The following HACD2 variants were observed in gnomAD, a reference collection of about 807,000 sequenced individuals.
The protein encoded by HACD2 is 3-hydroxyacyl-CoA dehydratase 2, also known as very-long-chain (3R)-3-hydroxyacyl-CoA dehydratase 2.
Under a neutral mutation model 31.0 loss-of-function variants are expected in HACD2, and 15 were observed. The observed-to-expected ratio is 0.48, with a 90% confidence interval of 0.32 to 0.75. The LOEUF (loss-of-function observed/expected upper bound fraction) is 0.75, where lower values mean the gene tolerates loss of function less well. Among genes scored for constraint, HACD2 ranks in the 30% least tolerant of loss-of-function variants. HACD2 has a pLI of 0.03. For missense variants in HACD2, 283 were observed against 313.0 expected (o/e 0.90, Z 0.72); for synonymous variants, 115 against 122.2 (o/e 0.94, Z 0.39).
intron 3 of HACD2, among the ~76,000 whole-genome samples, chr3:123,532,833 CAAAAAAAAAAAAAAA>C (rs35001570): frequency 1.4e-5 from 1 of 71,388 alleles, no homozygotes; most frequent in South Asian, 7.3e-4. Context: ...GACTCCGTCT[CAAAAAAAAAAAAAAA>C]AAAAAAAAAA....
intron 2 of HACD2, among the ~76,000 whole-genome samples, chr3:123,573,511 T>C (rs2056876639): frequency 6.6e-6 from 1 of 152,112 alleles, no homozygotes; most frequent in South Asian, 2.1e-4. Context: ...GAACCTCAAG[T>C]TTTCATGGTT....
chr3:123,560,576 G>T (rs2056717449), intron 3 of HACD2, among the ~76,000 whole-genome samples: 1 of 152,088 alleles, frequency 6.6e-6, no homozygotes, highest in African/African-American at 2.4e-5. Flanking sequence ...CAGGCAGAAA[G>T]CAATATTTAA....
At chr3:123,543,672 A>C (rs1300646164) in intron 3 of HACD2, 3 of 426,174 alleles carry the variant, frequency 7.0e-6, no homozygotes, top group Non-Finnish European at 1.4e-5. Context: ...AGGAAAAAAA[A>C]CTGTCAGAAT....
chr3:123,521,524 TA>T (rs769009964), intron 4 of HACD2, among the ~76,000 whole-genome samples: 2 of 151,688 alleles, frequency 1.3e-5, no homozygotes, highest in African/African-American at 2.4e-5. Context: ...ACTTCTGGTA[TA>T]AATGTCCCTT....
chr3:123,522,867 A>T (rs979810738), intron 4 of HACD2, among the ~76,000 whole-genome samples: 15 of 152,176 alleles, frequency 9.9e-5, no homozygotes, highest in Admixed American at 3.3e-4. Context: ...TGGAAAGGGC[A>T]CTGGGGCTAG....
chr3:123,583,929 T>A (rs1237389187), intron 1 of HACD2, among the ~76,000 whole-genome samples: 2 of 152,228 alleles, frequency 1.3e-5, no homozygotes, highest in African/African-American at 4.8e-5. Flanking sequence ...ATACAATTCT[T>A]TCAACTCTTC....
intron 6 of HACD2, among the ~76,000 whole-genome samples, chr3:123,497,287 C>T (rs2055845156): frequency 1.3e-5 from 2 of 152,194 alleles, no homozygotes; most frequent in African/African-American, 4.8e-5. Flanking sequence ...AGAATTCCAC[C>T]TTCTGCTGTC....
chr3:123,577,669 T>G (rs548578251), intron 2 of HACD2, among the ~76,000 whole-genome samples: 1 of 152,044 alleles, frequency 6.6e-6, no homozygotes, highest in African/African-American at 2.4e-5. Flanking sequence ...TACAGTCTTA[T>G]GTTAACCAAA....
chr3:123,501,272 A>G (rs774593761), intron 5 of HACD2, among the ~76,000 whole-genome samples: 15 of 152,244 alleles, frequency 9.9e-5, no homozygotes, highest in Non-Finnish European at 2.1e-4. Flanking sequence ...GTAATTTTCC[A>G]ATCAAAACAC....
chr3:123,563,547 G>A (rs981234073), intron 3 of HACD2, among the ~76,000 whole-genome samples: 1 of 152,182 alleles, frequency 6.6e-6, no homozygotes, highest in Non-Finnish European at 1.5e-5. Flanking sequence ...GAGCCACACA[G>A]CCATAGGTTC....
At chr3:123,577,610 G>A in intron 2 of HACD2, among the ~76,000 whole-genome samples, 1 of 131,592 alleles carries the variant, frequency 7.6e-6, no homozygotes, top group African/African-American at 3.3e-5. Flanking sequence ...GATGGAGTGA[G>A]ACTCTGTCTC....
intron 4 of HACD2, among the ~76,000 whole-genome samples, chr3:123,508,271 G>A (rs753905513): frequency 7.2e-5 from 11 of 152,198 alleles, no homozygotes; most frequent in Non-Finnish European, 1.2e-4. Flanking sequence ...CTGGCACAGT[G>A]AGCTGTGTAT....
rs2055806752 is a variant in HACD2 at position 123,494,356 on chromosome 3, G to A, written c.*532C>T. ...ACATTTTATAATTCATTCATTAGAT[G>A]TGAGGGGATAGGTCCCAGCCATAAC... On this transcript the variant is annotated 3_prime_UTR_variant, in exon 7 of 7. Transcript: ENST00000383657. 1 of 156,898 alleles carries A rather than the reference G, an allele frequency of 6.4e-6. No homozygotes were observed. Among genetic ancestry groups the A allele is most frequent in the African/African-American group, 2.4e-5 (1 of 41,460 alleles). The allele number at this position is 156,898 out of a possible 1,614,324, so 9.7% of individuals were successfully genotyped here.
chr3:123,496,107 T>C (rs1410243879), intron 6 of HACD2, among the ~76,000 whole-genome samples: 1 of 152,208 alleles, frequency 6.6e-6, no homozygotes, highest in East Asian at 1.9e-4. Context: ...GCTCATGGTC[T>C]GGACCTCCTG....
intron 3 of HACD2, among the ~76,000 whole-genome samples, chr3:123,530,361 C>T (rs1020139753): frequency 6.6e-6 from 1 of 152,050 alleles, no homozygotes; most frequent in African/African-American, 2.4e-5. Flanking sequence ...AGGCCATCCT[C>T]TCGCCTCAGC....
At chr3:123,529,868 T>G (rs1011438346) in intron 3 of HACD2, among the ~76,000 whole-genome samples, 19 of 152,294 alleles carry the variant, frequency 1.2e-4, no homozygotes, top group African/African-American at 3.4e-4. Context: ...CAGATCACAC[T>G]TAGATGGGAC....
intron 2 of HACD2, among the ~76,000 whole-genome samples, chr3:123,570,115 G>C (rs1156247453): frequency 2.0e-5 from 3 of 148,168 alleles, no homozygotes; most frequent in Non-Finnish European, 3.0e-5. Context: ...TTGCATGACA[G>C]AGCAGTAGGT....
intron 4 of HACD2, 125 bp downstream of exon 4, chr3:123,528,261 T>C (rs1164626418): frequency 1.5e-6 from 1 of 654,242 alleles, no homozygotes; most frequent in Non-Finnish European, 2.8e-6. Flanking sequence ...GAGCTTTATC[T>C]CAGCTATATT....
intron 4 of HACD2, among the ~76,000 whole-genome samples, chr3:123,507,093 C>T (rs111686787): frequency 2.0e-5 from 3 of 152,100 alleles, no homozygotes; most frequent in African/African-American, 7.2e-5. Context: ...TCCGTTTCTA[C>T]AATAAAATTA....
Sources: gnomAD v4.1 joint callset for allele counts (sites outside exome capture counted in the v4.1 genomes callset) on GRCh38, gnomAD v4.1.1 for gene constraint, MANE v1.5 for transcripts, NCBI Gene and HGNC (gene_info 2026-07-23, HGNC 2026-07-21) for gene names.